The following ENOX2 variants were observed in gnomAD, a reference collection of about 807,000 sequenced individuals.
ENOX2 encodes APK1 antigen.
A neutral mutation model predicts 45.0 loss-of-function variants in ENOX2; 36 were observed. The ratio of observed to expected loss-of-function variants is 0.80; its 90% confidence interval spans 0.61 to 1.06. ENOX2 has a LOEUF of 1.06. ENOX2 is among the 50% of genes least tolerant of loss of function. The pLI is 0.00. For missense variants in ENOX2, 423 were observed against 462.5 expected, an observed-to-expected ratio of 0.91 and a Z score of 0.78; for synonymous variants, 174 against 152.3, an observed-to-expected ratio of 1.14 and a Z score of -1.05.
intron 2 of ENOX2, among the ~76,000 whole-genome samples, chrX:130,883,546 C>T (rs1301383149): frequency 9.0e-6 from 1 of 111,537 alleles, no homozygotes; most frequent in East Asian, 2.8e-4. Flanking sequence ...AAATAGCATG[C>T]CTTAATTATT....
At chrX:130,821,741 T>TAAAAAAAAAAAAAAAAAAAAAAAAAA (rs1569505783) in intron 2 of ENOX2, among the ~76,000 whole-genome samples, 1 of 24,208 alleles carries the variant, frequency 4.1e-5, no homozygotes, top group Non-Finnish European at 7.7e-5. Context: ...AATAAATAAA[T>TAAAAAAAAAAAAAAAAAAAAAAAAAA]TAAAAAAAAA....
At chrX:130,713,737 A>G (rs1421928320) in intron 3 of ENOX2, among the ~76,000 whole-genome samples, 2 of 106,709 alleles carry the variant, frequency 1.9e-5, no homozygotes, top group Non-Finnish European at 3.9e-5. Context: ...AGATGGGCCT[A>G]AAAAAAAAAT....
intron 4 of ENOX2, among the ~76,000 whole-genome samples, chrX:130,694,089 C>T (rs2037688067): frequency 9.0e-6 from 1 of 111,434 alleles, no homozygotes; most frequent in African/African-American, 3.3e-5. Flanking sequence ...GAAAAATTGC[C>T]CATCTCAGTC....
chrX:130,677,902 C>A (rs1045279234), intron 6 of ENOX2, among the ~76,000 whole-genome samples: 3 of 110,608 alleles, frequency 2.7e-5, no homozygotes, highest in African/African-American at 9.9e-5. Flanking sequence ...GCCTGGCCAA[C>A]AAGGTGAAAT....
In ENOX2 at chrX:130,636,538, A is replaced by G. The variant is rs760008953; in HGVS notation, c.1311+691T>C. ...TTTACTATAGTGAAAGCAGCTGTTG[A>G]TATCTTTTAAACTGTAGGATCACTG... On this transcript the variant is annotated intron_variant, in intron 11 of 14. Coordinates refer to ENST00000394363, the MANE Select transcript of ENOX2 (RefSeq NM_006375.4). 2.7e-5 allele frequency among the ~76,000 whole-genome samples: 3 copies of G among 112,521 alleles called. No homozygotes were observed. The South Asian group carries it at 1.1e-3, about 42-fold the overall frequency.
intron 3 of ENOX2, among the ~76,000 whole-genome samples, chrX:130,767,170 G>A (rs144915767): frequency 2.9e-3 from 325 of 111,615 alleles, no homozygotes; most frequent in African/African-American, 9.8e-3. Flanking sequence ...TTCATTTTGT[G>A]TACCCTTAAC....
In ENOX2 at chrX:130,667,651, G is replaced by A. The variant is rs1160867877; in HGVS notation, c.786C>T (p.Ser262=). ...CATGGCTGTTGGCCGACTGGATCAT[G>A]GAGTAGAAGTTATTGGCGCTACGAC... The part of the protein sequence containing the change: ...VNRRSANNFY[S]MIQSANSHVR... Residue 262 remains serine (S), a synonymous_variant, in exon 8 of 15, where the codon TCC becomes TCT. Coordinates refer to ENST00000394363, the MANE Select transcript of ENOX2 (RefSeq NM_006375.4). 2 of 1,209,410 alleles carry A rather than the reference G, an allele frequency of 1.7e-6. No homozygotes were observed. Among genetic ancestry groups the A allele is most frequent in the African/African-American group, 1.7e-5 (1 of 57,209 alleles).
chrX:130,773,134 T>C (rs2039778908), intron 3 of ENOX2, among the ~76,000 whole-genome samples: 2 of 112,302 alleles, frequency 1.8e-5, no homozygotes, highest in African/African-American at 6.5e-5. Context: ...CTCACACTTA[T>C]TAAGACTAAA....
At chrX:130,666,965 C>A (rs750060585) in intron 8 of ENOX2, among the ~76,000 whole-genome samples, 1 of 111,573 alleles carries the variant, frequency 9.0e-6, no homozygotes, top group Admixed American at 9.5e-5. Context: ...AGGTTTGGAG[C>A]GGAATTTCTT....
At chrX:130,797,589 C>T (rs1374277373) in intron 2 of ENOX2, among the ~76,000 whole-genome samples, 1 of 110,715 alleles carries the variant, frequency 9.0e-6, no homozygotes, top group Non-Finnish European at 1.9e-5. Flanking sequence ...TCAGAATTTC[C>T]TGGAAATTGG....
intron 2 of ENOX2, among the ~76,000 whole-genome samples, chrX:130,839,815 T>C (rs2077984662): frequency 8.9e-6 from 1 of 112,086 alleles, no homozygotes; most frequent in East Asian, 2.8e-4. Flanking sequence ...ATATTGCCCA[T>C]GACTTTGGAT....
At chrX:130,783,916 T>C (rs1250417350) in intron 2 of ENOX2, among the ~76,000 whole-genome samples, 1 of 112,197 alleles carries the variant, frequency 8.9e-6, no homozygotes, top group African/African-American at 3.2e-5. Context: ...AGATCCCTCC[T>C]GTTTCTGCGG....
At chrX:130,645,885 C>A in intron 10 of ENOX2, 1 of 671,214 alleles carries the variant, frequency 1.5e-6, no homozygotes, top group Non-Finnish European at 2.5e-6. Flanking sequence ...AGACCATGAT[C>A]AGCCCATCCC....
intron 3 of ENOX2, among the ~76,000 whole-genome samples, chrX:130,728,943 C>T (rs1028833846): frequency 9.0e-6 from 1 of 111,091 alleles, no homozygotes; most frequent in African/African-American, 3.3e-5. Flanking sequence ...GAGGAAAGAA[C>T]CTGTTAGATA....
chrX:130,816,385 C>T (rs913801540), intron 2 of ENOX2, among the ~76,000 whole-genome samples: 1 of 111,247 alleles, frequency 9.0e-6, no homozygotes, highest in Admixed American at 9.6e-5. Flanking sequence ...TAAGGATATC[C>T]AGGACTTGAA....
chrX:130,823,475 A>G (rs1369048625), intron 2 of ENOX2, among the ~76,000 whole-genome samples: 1 of 111,870 alleles, frequency 8.9e-6, no homozygotes, highest in Non-Finnish European at 1.9e-5. Context: ...AAAGACAGCC[A>G]TTTGCCAATA....
At chrX:130,645,134 T>C (rs1215447803) in intron 10 of ENOX2, among the ~76,000 whole-genome samples, 1 of 112,051 alleles carries the variant, frequency 8.9e-6, no homozygotes, top group Admixed American at 9.4e-5. Flanking sequence ...TATGTAATTA[T>C]TTATGGTTTA....
intron 3 of ENOX2, among the ~76,000 whole-genome samples, chrX:130,740,617 G>A (rs2038960863): frequency 9.0e-6 from 1 of 111,212 alleles, no homozygotes; most frequent in Non-Finnish European, 1.9e-5. Flanking sequence ...TGAGTAAAGG[G>A]TATGGGAAGA....
rs906484649 is a variant in ENOX2, at chrX:130,742,693, C to G, written c.-38-39439G>C. On this transcript the variant is annotated intron_variant, in intron 3 of 14. Transcript: ENST00000394363. ...CATTGAAATCTTAAAGCCAAATAAA[C>G]TAGGGTTTAGAGAGGTTTCAAATAG... Among the ~76,000 whole-genome samples, 3 of 111,591 alleles carry G rather than the reference C, an allele frequency of 2.7e-5. No individual in the cohort carries two copies. The East Asian group carries it at 8.4e-4, about 31-fold the overall frequency.
Sources: allele counts gnomAD v4.1 joint callset (sites outside exome capture counted in the v4.1 genomes callset), GRCh38; gene constraint gnomAD v4.1.1; transcripts MANE v1.5; gene names NCBI Gene and HGNC (gene_info 2026-07-23, HGNC 2026-07-21).